SEC14L5: variants seen among roughly 807,000 people sequenced by gnomAD.
SEC14L5 encodes the protein SEC14 like lipid binding 5.
Under a neutral mutation model 84.6 loss-of-function variants are expected in SEC14L5, and 96 were observed. The ratio of observed to expected loss-of-function variants is 1.13; its 90% CI spans 0.96 to 1.34. The LOEUF is 1.34. Ranked by LOEUF, SEC14L5 falls within the 40% of genes most tolerant of loss-of-function variation. The pLI is 0.00. For synonymous variants in SEC14L5, 546 were observed against 383.4 expected (o/e 1.42, Z -4.95); for missense variants, 1,224 against 942.5 (o/e 1.30, Z -3.91).
chr16:4,986,986 T>C (rs1303759295), intron 2 of SEC14L5, among the ~76,000 whole-genome samples: 6 of 152,206 alleles, frequency 3.9e-5, no homozygotes, highest in African/African-American at 1.2e-4. Context: ...CAAATACAGA[T>C]AGTTTTACTT....
chr16:5,000,741 C>T lies in SEC14L5; in HGVS notation c.1057C>T (p.His353Tyr), dbSNP rs1955666137. The T allele has an allele frequency of 2.6e-6, 4 of 1,553,080 alleles. No individual in the cohort carries two copies. The African/African-American group carries it at 4.1e-5, about 16-fold the overall frequency. ...CGTGGGGGAGGAGGCGCTGCTGCGG[C>T]ATGTGAGTCAGGGGCCTCGTTCCTG... is the stretch of plus-strand genomic sequence containing the variant. ...KAVGEEALLR[H>Y]VLSVNEEGQK... is the part of the protein sequence containing the mutation. The change falls in exon 9 of 16, where the codon CAT (histidine) becomes TAT (tyrosine). Residue 353 changes from histidine (H) to tyrosine (Y), a missense_variant and splice_region_variant. By Grantham distance (83) the His-to-Tyr change is moderately conservative. Coordinates refer to ENST00000251170, the MANE Select transcript of SEC14L5 (RefSeq NM_014692.2).
At chr16:5,011,069 C>T (rs367551231) in intron 14 of SEC14L5, 26 bp from the exon 15 acceptor site, 14 of 1,570,170 alleles carry the variant, frequency 8.9e-6, no homozygotes, top group East Asian at 2.4e-5. Flanking sequence ...GGCGCAGGGC[C>T]TCAGGGCAGG....
rs932113686 is a variant in SEC14L5, at chr16:4,991,535, C to T, written c.475-303C>T. On this transcript the variant is annotated intron_variant, in intron 5 of 15. Coordinates refer to ENST00000251170, the MANE Select transcript of SEC14L5 (RefSeq NM_014692.2). Reference sequence around the variant, plus strand: ...GCGCTGAGATGACACTACTGCACTCCAGCCTGGGCAACACAGCAAGACACT... The same window carrying T: ...GCGCTGAGATGACACTACTGCACTCTAGCCTGGGCAACACAGCAAGACACT... 9.2e-5 allele frequency among the ~76,000 whole-genome samples: 14 copies of T among 152,044 alleles called. 1 individual carries two copies. Among genetic ancestry groups the T allele is most frequent in the Admixed American group, 6.6e-5 (1 of 15,254 alleles).
intron 2 of SEC14L5, among the ~76,000 whole-genome samples, chr16:4,959,661 A>C (rs892770395): frequency 8.5e-5 from 13 of 152,166 alleles, no homozygotes; most frequent in African/African-American, 3.1e-4. Context: ...AAACAAAGGT[A>C]TCAGGGGCCA....
rs1955879672 is a variant in SEC14L5 at position 5,016,833 on chromosome 16, C to T, written c.*1863C>T. ...CTGGGAGAGAGCCTTGCCCACCTTC[C>T]TGTTGGCTCTCTGTCCGCTTCTCAG... is the stretch of plus-strand genomic sequence containing the variant. On this transcript the variant is annotated 3_prime_UTR_variant, in exon 16 of 16. Coordinates refer to ENST00000251170, the MANE Select transcript of SEC14L5 (RefSeq NM_014692.2). The T allele has an allele frequency of 6.6e-6, 1 of 152,232 alleles. No homozygotes were observed. Among genetic ancestry groups the T allele is most frequent in the Non-Finnish European group, 1.5e-5 (1 of 68,046 alleles). 9.4% of individuals were successfully genotyped at this position (152,232 alleles called of 1,614,324 possible).
At chr16:4,995,557 A>C (rs1468333768) in intron 6 of SEC14L5, among the ~76,000 whole-genome samples, 3 of 151,924 alleles carry the variant, frequency 2.0e-5, no homozygotes, top group Non-Finnish European at 4.4e-5. Flanking sequence ...CTGGGTGCAC[A>C]ACATGCATTT....
chr16:5,001,917 T>C (rs1049403604), intron 10 of SEC14L5, among the ~76,000 whole-genome samples: 1 of 152,138 alleles, frequency 6.6e-6, no homozygotes, highest in Admixed American at 6.6e-5. Context: ...GGACTATAAA[T>C]GTGCACCACC....
Position 4,987,672 on chromosome 16 carries a change from G to C in SEC14L5, c.179G>C (p.Arg60Pro). 1.3e-6 allele frequency: 2 copies of C among 1,542,684 alleles called. No homozygotes were observed. Among genetic ancestry groups the C allele is most frequent in the Non-Finnish European group, 1.7e-6 (2 of 1,147,008 alleles). Residue 60 changes from arginine (R) to proline (P), a missense_variant, in exon 3 of 16, where the codon CGG (arginine) becomes CCG (proline). Transcript: ENST00000251170. ...GAVHVVERSCRLRVDAPRLLR... is the reference protein window; with the variant it reads ...GAVHVVERSCPLRVDAPRLLR... ...GTGCACGTGGTGGAGCGGAGCTGCC[G>C]GCTGCGCGTGGACGCCCCGCGGCTG... is the stretch of plus-strand genomic sequence containing the variant.
chr16:4,995,149 A>C (rs1045106907), intron 6 of SEC14L5, among the ~76,000 whole-genome samples: 1 of 152,172 alleles, frequency 6.6e-6, no homozygotes, highest in Admixed American at 6.6e-5. Flanking sequence ...CTGGCCGTTC[A>C]TTCAGCCTGT....
At position 4,997,076 on chromosome 16, in the gene SEC14L5, C is replaced by T; in HGVS notation, c.970+32C>T. The T allele has an allele frequency of 2.6e-6, 4 of 1,518,610 alleles. No homozygotes were observed. The South Asian group carries it at 3.7e-5, about 14-fold the overall frequency. 94.1% of individuals were successfully genotyped at this position (1,518,610 alleles called of 1,614,324 possible). On this transcript the variant is annotated intron_variant, in intron 8 of 15. Coordinates refer to ENST00000251170, the MANE Select transcript of SEC14L5 (RefSeq NM_014692.2). ...GCCTCCACCCACATCATGTATAGGG[C>T]ATACTTTGGTCACTGCCAAATGCAC...
intron 2 of SEC14L5, among the ~76,000 whole-genome samples, chr16:4,972,077 C>T (rs1256799515): frequency 2.0e-5 from 3 of 151,592 alleles, no homozygotes; most frequent in Non-Finnish European, 4.4e-5. Context: ...GCAATTATAG[C>T]TCACTACAGC....
Position 4,987,418 on chromosome 16 carries a change from G to T in SEC14L5, c.64-139G>T, listed in dbSNP as rs554134393. On this transcript the variant is annotated intron_variant, in intron 2 of 15. Transcript: ENST00000251170. Reference sequence around the variant, plus strand: ...TGGTGGAACGATTGTTGGTAATGACGGCAAAATCCCTGCCCCTTCCAGTGG... The same window carrying T: ...TGGTGGAACGATTGTTGGTAATGACTGCAAAATCCCTGCCCCTTCCAGTGG... 398 of 653,416 alleles carry T rather than the reference G, an allele frequency of 6.1e-4. 2 individuals carry two copies. In the African/African-American group the frequency reaches 6.4e-3, roughly 11 times the overall value. 40.5% of individuals were successfully genotyped at this position (653,416 alleles called of 1,614,324 possible).
At chr16:5,012,181 ACT>A (rs1398510949) in intron 15 of SEC14L5, among the ~76,000 whole-genome samples, 7 of 151,502 alleles carry the variant, frequency 4.6e-5, no homozygotes, top group Non-Finnish European at 5.9e-5. Context: ...CTGGCGATTC[ACT>A]CTTTGTGAAG....
intron 14 of SEC14L5, 86 bp downstream of exon 14, chr16:5,008,734 A>C (rs1955765283): frequency 2.5e-6 from 3 of 1,218,182 alleles, no homozygotes; most frequent in Non-Finnish European, 3.5e-6. Context: ...ACAGCGGAGG[A>C]CATACTGGGC....
chr16:4,992,304 G>A (rs1390859433), intron 6 of SEC14L5, among the ~76,000 whole-genome samples: 22 of 152,162 alleles, frequency 1.4e-4, no homozygotes, highest in Non-Finnish European at 2.5e-4. Flanking sequence ...AGGCTGGAGC[G>A]CAGTAGCACG....
intron 2 of SEC14L5, among the ~76,000 whole-genome samples, chr16:4,974,780 C>CAT (rs1487879960): frequency 6.6e-6 from 1 of 151,532 alleles, no homozygotes; most frequent in Non-Finnish European, 1.5e-5. Context: ...TTTGCATCCT[C>CAT]ATATATATAT....
intron 2 of SEC14L5, among the ~76,000 whole-genome samples, chr16:4,974,921 GT>G (rs376333684): frequency 4.4e-4 from 67 of 151,972 alleles, no homozygotes; most frequent in African/African-American, 1.5e-3. Context: ...GGGATTACAG[GT>G]GTGTGCCACC....
In SEC14L5 at chr16:4,967,081, G is replaced by A. The variant is rs1030534933; in HGVS notation, c.63+7695G>A. ...AGGAGACTGTCCCTCAGTGACCAGT[G>A]TTTATGGTCCCACAGAGCCACAAAC... is the stretch of plus-strand genomic sequence containing the variant. On this transcript the variant is annotated intron_variant, in intron 2 of 15. Coordinates refer to ENST00000251170, the MANE Select transcript of SEC14L5 (RefSeq NM_014692.2). Among the ~76,000 whole-genome samples the A allele has an allele frequency of 1.4e-4, 21 of 152,332 alleles. No individual in the cohort carries two copies. The East Asian group carries it at 3.9e-3, about 28-fold the overall frequency.
chr16:4,989,418 C>T (rs764316421), intron 4 of SEC14L5, among the ~76,000 whole-genome samples: 10 of 152,002 alleles, frequency 6.6e-5, no homozygotes, highest in Middle Eastern at 3.4e-3. Context: ...CTGCAACCTC[C>T]GCCTCCTTGT....
Sources: gnomAD v4.1 joint callset for allele counts (sites outside exome capture counted in the v4.1 genomes callset) on GRCh38, gnomAD v4.1.1 for gene constraint, MANE v1.5 for transcripts, NCBI Gene and HGNC (gene_info 2026-07-23, HGNC 2026-07-21) for gene names.